The following GPHN variants were observed in gnomAD, a reference collection of about 807,000 sequenced individuals.
GPHN encodes the protein gephyrin.
Under a neutral mutation model 95.5 loss-of-function variants are expected in GPHN, and 17 were observed. The observed-to-expected ratio is 0.18, with a 90% CI of 0.12 to 0.27. The LOEUF (loss-of-function observed/expected upper bound fraction) is 0.27. GPHN is among the 10% of genes least tolerant of loss of function. The pLI is 1.00. For synonymous variants in GPHN, 320 were observed against 322.5 expected (o/e 0.99, Z 0.08); for missense variants, 660 against 978.1 (o/e 0.67, Z 4.34).
the GPHN span, among the ~76,000 whole-genome samples, chr14:67,323,545 T>C: frequency 5.3e-5 from 8 of 151,256 alleles, no homozygotes; most frequent in African/African-American, 1.9e-4. Context: ...GTGCAGCAGA[T>C]TGAGGTTGCA....
the GPHN span, among the ~76,000 whole-genome samples, chr14:67,645,417 C>T: frequency 6.6e-6 from 1 of 152,132 alleles, no homozygotes; most frequent in Non-Finnish European, 1.5e-5. Flanking sequence ...TGACATCTGT[C>T]ACACTGCAGG....
chr14:66,832,032 A>G (rs2061600354), intron 4 of GPHN, among the ~76,000 whole-genome samples: 1 of 152,196 alleles, frequency 6.6e-6, no homozygotes, highest in South Asian at 2.1e-4. Flanking sequence ...CTGTGGTCCC[A>G]GCTACTCAGG....
At chr14:66,632,815 C>T (rs932602390) in intron 1 of GPHN, among the ~76,000 whole-genome samples, 2 of 152,098 alleles carry the variant, frequency 1.3e-5, no homozygotes, top group South Asian at 2.1e-4. Flanking sequence ...CTGCGTATTC[C>T]AGTCAGATGA....
intron 4 of GPHN, among the ~76,000 whole-genome samples, chr14:66,846,231 T>G (rs951417530): frequency 6.6e-6 from 1 of 152,066 alleles, no homozygotes; most frequent in African/African-American, 2.4e-5. Flanking sequence ...ACACAGAAAA[T>G]TGTTTGACTG....
chr14:66,857,545 G>A (rs2062851065), intron 4 of GPHN, among the ~76,000 whole-genome samples: 1 of 152,094 alleles, frequency 6.6e-6, no homozygotes, highest in Non-Finnish European at 1.5e-5. Flanking sequence ...AACGAGAATT[G>A]TTTATTAAGC....
chr14:67,456,427 C>G, the GPHN span, among the ~76,000 whole-genome samples: 6 of 151,886 alleles, frequency 4.0e-5, no homozygotes, highest in African/African-American at 1.5e-4. Flanking sequence ...ATGGTGAAAC[C>G]CCGTCTCTAC....
intron 2 of GPHN, among the ~76,000 whole-genome samples, chr14:66,773,997 T>G (rs1397138736): frequency 8.8e-5 from 8 of 91,362 alleles, no homozygotes; most frequent in Admixed American, 4.0e-4. Context: ...TAGAAAGTTT[T>G]TTTTTTTTTT....
At chr14:67,593,671 A>T in the GPHN span, 13 of 855,630 alleles carry the variant, frequency 1.5e-5, no homozygotes, top group East Asian at 3.2e-4. Flanking sequence ...TTTTAGTTTA[A>T]ATCTGGGAAC....
intron 5 of GPHN, among the ~76,000 whole-genome samples, chr14:66,880,797 T>C (rs1596260523): frequency 6.6e-6 from 1 of 152,008 alleles, no homozygotes; most frequent in East Asian, 1.9e-4. Flanking sequence ...CCATCCTCGA[T>C]TTAATGGTAC....
chr14:67,280,977 A>C, the GPHN span, among the ~76,000 whole-genome samples: 1 of 149,700 alleles, frequency 6.7e-6, no homozygotes, highest in East Asian at 2.0e-4. Context: ...GGCTCACAGC[A>C]ATCTCCGCCT....
chr14:66,769,216 T>C (rs148673426), intron 2 of GPHN, among the ~76,000 whole-genome samples: 105 of 152,224 alleles, frequency 6.9e-4, no homozygotes, highest in African/African-American at 2.4e-3. Context: ...TTAATTCTAA[T>C]CTTTCACTTC....
the GPHN span, among the ~76,000 whole-genome samples, chr14:67,268,092 T>G: frequency 6.6e-6 from 1 of 152,234 alleles, no homozygotes; most frequent in Non-Finnish European, 1.5e-5. Flanking sequence ...TTTCTTTCTC[T>G]TGTGTGGAAT....
the GPHN span, among the ~76,000 whole-genome samples, chr14:67,379,376 T>A: frequency 6.6e-6 from 1 of 152,252 alleles, no homozygotes; most frequent in African/African-American, 2.4e-5. Context: ...TGCATACTCC[T>A]GATTGTTGGA....
At chr14:66,576,153 G>C (rs972986554) in intron 1 of GPHN, among the ~76,000 whole-genome samples, 4 of 152,182 alleles carry the variant, frequency 2.6e-5, no homozygotes, top group Admixed American at 2.6e-4. Flanking sequence ...ATGCTGGCCT[G>C]GTGCCTTGGG....
At chr14:67,225,924 TGA>T in the GPHN span, among the ~76,000 whole-genome samples, 1 of 123,882 alleles carries the variant, frequency 8.1e-6, no homozygotes, top group Non-Finnish European at 1.6e-5. Context: ...GCTAATGCTG[TGA>T]GTGTGTGTGT....
intron 2 of GPHN, among the ~76,000 whole-genome samples, chr14:66,695,960 T>C (rs1230476992): frequency 1.3e-5 from 2 of 152,136 alleles, no homozygotes; most frequent in African/African-American, 4.8e-5. Context: ...GTCTAAACCA[T>C]AGAATATACA....
At chr14:66,827,586 A>T (rs2061430180) in intron 4 of GPHN, among the ~76,000 whole-genome samples, 2 of 145,976 alleles carry the variant, frequency 1.4e-5, no homozygotes, top group Non-Finnish European at 2.9e-5. Context: ...ATAAGAGTTA[A>T]TTTTTTTTAT....
chr14:67,473,544 C>A, the GPHN span: 1 of 1,613,980 alleles, frequency 6.2e-7, no homozygotes, highest in South Asian at 1.1e-5. This position sits in a 1 kb window ranked among gnomAD's most constrained non-coding sequence, Gnocchi z 6.5. Flanking sequence ...GATGAGGGCC[C>A]CGCAGAACCA....
At chr14:67,194,172 G>A in the GPHN span, among the ~76,000 whole-genome samples, 1 of 151,836 alleles carries the variant, frequency 6.6e-6, no homozygotes, top group Non-Finnish European at 1.5e-5. Context: ...AGACCAGCCT[G>A]GGCAACATGG....
Sources: allele counts gnomAD v4.1 joint callset (sites outside exome capture counted in the v4.1 genomes callset), GRCh38; gene constraint gnomAD v4.1.1; non-coding constraint Gnocchi (gnomAD v3.1); transcripts MANE v1.5; gene names NCBI Gene and HGNC (gene_info 2026-07-23, HGNC 2026-07-21).